DNAH8: variants seen among roughly 807,000 people sequenced by gnomAD.
The protein encoded by DNAH8 is axonemal beta dynein heavy chain 8.
Under a neutral mutation model 562.1 loss-of-function variants are expected in DNAH8, and 382 were observed. The ratio of observed to expected loss-of-function variants is 0.68; its 90% CI spans 0.63 to 0.74. The LOEUF (loss-of-function observed/expected upper bound fraction) is 0.74. DNAH8 is among the 30% of genes least tolerant of loss of function. The pLI is 0.00. For synonymous variants in DNAH8, 1,881 were observed against 1,919.4 expected, an observed-to-expected ratio of 0.98 and a Z score of 0.52; for missense variants, 5,203 against 5,620.4, an observed-to-expected ratio of 0.93 and a Z score of 2.37.
intron 32 of DNAH8, among the ~76,000 whole-genome samples, chr6:38,836,446 CA>C (rs71543945): frequency 0.47 from 60,391 of 129,390 alleles, 12,994 homozygotes; most frequent in East Asian, 0.55. Context: ...GACTCCATCT[CA>C]AAAAAAAAAA....
At chr6:38,968,505 C>T (rs776205934) in intron 82 of DNAH8, among the ~76,000 whole-genome samples, 2 of 152,018 alleles carry the variant, frequency 1.3e-5, no homozygotes, top group Non-Finnish European at 2.9e-5. Flanking sequence ...GGAAGATGTA[C>T]AAATGGCCAA....
chr6:38,880,900 T>A (rs549200901), intron 53 of DNAH8, among the ~76,000 whole-genome samples: 165 of 152,086 alleles, frequency 1.1e-3, no homozygotes, highest in African/African-American at 3.4e-3. Context: ...TGGTGGCGGG[T>A]GCCTGTAATC....
chr6:38,753,532 C>G (rs929639665), intron 9 of DNAH8, among the ~76,000 whole-genome samples: 8 of 152,114 alleles, frequency 5.3e-5, no homozygotes, highest in Non-Finnish European at 7.4e-5. Flanking sequence ...TCACGTTTGT[C>G]AAATCTAATG....
At chr6:38,901,399 A>T (rs979144336) in intron 62 of DNAH8, among the ~76,000 whole-genome samples, 1 of 152,070 alleles carries the variant, frequency 6.6e-6, no homozygotes, top group African/African-American at 2.4e-5. Flanking sequence ...ATTATTTTCA[A>T]TATTGATATC....
In DNAH8 at chr6:38,924,001, G is replaced by A. The variant is rs376013784; in HGVS notation, c.10801G>A (p.Asp3601Asn). The A allele has an allele frequency of 5.6e-6, 9 of 1,613,806 alleles. No individual in the cohort carries two copies. Among genetic ancestry groups the A allele is most frequent in the Non-Finnish European group, 6.8e-6 (8 of 1,179,900 alleles). ...GTGTTTTCTTCACAGACTTGTAGGT[G>A]ATATTCTGCTGTGCACGGGATTCCT... ...FKAQINRLVG[D>N]ILLCTGFLSY... Residue 3601 changes from aspartate to asparagine, a missense_variant, in exon 73 of 93, where the codon GAT (aspartate) becomes AAT (asparagine). By Grantham distance (23) the Asp-to-Asn change is conservative. Coordinates refer to ENST00000327475, the MANE Select transcript of DNAH8 (RefSeq NM_001206927.2).
chr6:38,938,069 A>C lies in DNAH8; in HGVS notation c.11659A>C (p.Thr3887Pro), dbSNP rs1227842963. Reference protein sequence around the residue: ...VSEKLHVAAETEIKINAAQEE... With the variant: ...VSEKLHVAAEPEIKINAAQEE... ...TGAAAAGTTGCATGTGGCTGCAGAA[A>C]CTGAGATCAAGATCAACGCGGCTCA... Residue 3887 changes from threonine to proline, a missense_variant, in exon 78 of 93, where the codon ACT becomes CCT. Around this residue, in one of 6 missense-constraint regions of DNAH8, gnomAD observed 1,399 missense variants for 1,518.4 expected, o/e 0.92. Transcript: ENST00000327475. 6.2e-7 allele frequency: 1 copy of C among 1,614,060 alleles called. No homozygotes were observed. The highest frequency in any genetic ancestry group is 1.3e-5 in the African/African-American group (1 of 75,000).
chr6:38,758,683 A>T (rs1409338379), intron 10 of DNAH8, among the ~76,000 whole-genome samples: 6 of 151,908 alleles, frequency 3.9e-5, no homozygotes, highest in Non-Finnish European at 1.5e-5. Context: ...AATAGCTCTT[A>T]TTATTTTGAG....
At chr6:38,971,864 C>T (rs1305282673) in intron 83 of DNAH8, 199 bp downstream of exon 83, 3 of 409,608 alleles carry the variant, frequency 7.3e-6, no homozygotes, top group Non-Finnish European at 1.3e-5. Context: ...AGTATATGCT[C>T]CATTTTACCT....
Position 38,786,784 on chromosome 6 carries a change from T to C in DNAH8, c.2415T>C (p.Phe805=). The change falls in exon 18 of 93, where the codon TTT becomes TTC. Residue 805 remains phenylalanine, a synonymous_variant. Coordinates refer to ENST00000327475, the MANE Select transcript of DNAH8 (RefSeq NM_001206927.2). ...TTGTAGCTTTACAAGCCACGCTTTT[T>C]GTGCGACATCCAGAAACAGGGAAGT... The part of the protein sequence containing the change: ...QLHYALQATL[F]VRHPETGKLL... The C allele has an allele frequency of 6.2e-7, 1 of 1,611,384 alleles. No individual in the cohort carries two copies. Among genetic ancestry groups the C allele is most frequent in the Non-Finnish European group, 8.5e-7 (1 of 1,179,164 alleles).
intron 3 of DNAH8, among the ~76,000 whole-genome samples, chr6:38,728,506 G>T (rs1763407375): frequency 6.6e-6 from 1 of 152,180 alleles, no homozygotes; most frequent in Non-Finnish European, 1.5e-5. Context: ...TTTTATCCTA[G>T]TCATGTGCAC....
At chr6:38,908,823 G>A (rs1343259626) in intron 64 of DNAH8, among the ~76,000 whole-genome samples, 2 of 152,186 alleles carry the variant, frequency 1.3e-5, no homozygotes, top group Non-Finnish European at 1.5e-5. Context: ...AAAGTGCTGG[G>A]ATTACAGGCA....
In DNAH8 at chr6:38,963,101, C is replaced by T. The variant is rs1162473672; in HGVS notation, c.12452-8491C>T. Among the ~76,000 whole-genome samples the T allele has an allele frequency of 2.6e-5, 4 of 152,138 alleles. No individual in the cohort carries two copies. In the South Asian group the frequency reaches 8.3e-4, roughly 32 times the overall value. On this transcript the variant is annotated intron_variant, in intron 82 of 92. Transcript: ENST00000327475. ...ATCTTATTCATGCAACCAAACACAACCTGTTCCCCCCAAAACCTGTTGAAA... is the reference window on the plus strand; with the variant it reads ...ATCTTATTCATGCAACCAAACACAATCTGTTCCCCCCAAAACCTGTTGAAA...
At chr6:38,845,204 G>T (rs1221611105) in intron 35 of DNAH8, among the ~76,000 whole-genome samples, 1 of 152,168 alleles carries the variant, frequency 6.6e-6, no homozygotes, top group Non-Finnish European at 1.5e-5. Context: ...GAGTTCAAAA[G>T]ACTCTTATGT....
At chr6:38,882,575 G>GAGAA (rs1197156563) in intron 53 of DNAH8, among the ~76,000 whole-genome samples, 1 of 152,096 alleles carries the variant, frequency 6.6e-6, no homozygotes, top group African/African-American at 2.4e-5. Context: ...TTGGGGGTGG[G>GAGAA]AGAAGGGTGA....
rs760587818 is a variant in DNAH8, at chr6:38,926,207, A to G, written c.11115A>G (p.Leu3705=). Reference sequence around the variant, plus strand: ...AATCAAAGGAAAAAGAAAATGATTTACAGGTATGTAGCATTTGGTGCAGGG... The same window carrying G: ...AATCAAAGGAAAAAGAAAATGATTTGCAGGTATGTAGCATTTGGTGCAGGG... The part of the protein sequence containing the change: ...WIKSKEKEND[L]QVTSLNHKYF... Residue 3705 remains leucine, a synonymous_variant, in exon 74 of 93, where the codon TTA becomes TTG. Transcript: ENST00000327475. 5 of 1,613,290 alleles carry G rather than the reference A, an allele frequency of 3.1e-6. No individual in the cohort carries two copies. Among genetic ancestry groups the G allele is most frequent in the African/African-American group, 1.3e-5 (1 of 74,882 alleles).
rs562852660 is a variant in DNAH8 at position 38,827,733 on chromosome 6, C to CTTTTTTTTTTTTTTTTTTTTTTTTTTTT, written c.4084-440_4084-413dup. 1.2e-3 allele frequency among the ~76,000 whole-genome samples: 61 copies of CTTTTTTTTTTTTTTTTTTTTTTTTTTTT among 52,244 alleles called. 29 individuals carry two copies. Among genetic ancestry groups the CTTTTTTTTTTTTTTTTTTTTTTTTTTTT allele is most frequent in the East Asian group, 2.9e-3 (6 of 2,104 alleles). The allele number at this position is 52,244 out of a possible 152,430, so 34.3% of individuals were successfully genotyped here. A position where few individuals can be genotyped will look rare whatever the true frequency, so the allele number is the denominator to read the frequency against. On this transcript the variant is annotated intron_variant, in intron 29 of 92. Transcript: ENST00000327475. ...TGCAAAAGCTTAATTCTTTACCAAACTTTTTTTTTTTTTTTTTTTTTTTTT... is the reference window on the plus strand; with the variant it reads ...TGCAAAAGCTTAATTCTTTACCAAACTTTTTTTTTTTTTTTTTTTTTTTTTTTTTTTTTTTTTTTTTTTTTTTTTTTTT...
At chr6:38,804,685 CTG>C (rs780966485) in intron 22 of DNAH8, among the ~76,000 whole-genome samples, 82 of 151,530 alleles carry the variant, frequency 5.4e-4, no homozygotes, top group South Asian at 1.0e-3. Context: ...AGTAGGGAAT[CTG>C]TGGGAAGCTG....
In DNAH8 at chr6:38,857,506, C is replaced by G. The variant is rs1776293490; in HGVS notation, c.5734-12C>G. On this transcript the variant is annotated splice_polypyrimidine_tract_variant and intron_variant, in intron 41 of 92. Coordinates refer to ENST00000327475, the MANE Select transcript of DNAH8 (RefSeq NM_001206927.2). The stretch of plus-strand genomic sequence containing the variant: ...TTTGGCAAATTTTAATATTTTTCTG[C>G]TGGATCTGTAGGTTGGACTTCTGGG... 6.4e-7 allele frequency: 1 copy of G among 1,568,450 alleles called. No individual in the cohort carries two copies. The highest frequency in any genetic ancestry group is 8.7e-7 in the Non-Finnish European group (1 of 1,150,414).
intron 80 of DNAH8, among the ~76,000 whole-genome samples, chr6:38,948,170 A>C (rs1272815250): frequency 6.6e-6 from 1 of 152,198 alleles, no homozygotes; most frequent in East Asian, 1.9e-4. Context: ...TTCACACCAC[A>C]GATATGAGAC....
Sources: allele counts gnomAD v4.1 joint callset (sites outside exome capture counted in the v4.1 genomes callset), GRCh38; gene constraint gnomAD v4.1.1; regional missense constraint gnomAD v4.1.1; transcripts MANE v1.5; gene names NCBI Gene and HGNC (gene_info 2026-07-23, HGNC 2026-07-21).